The following MYBPC2 variants were observed in gnomAD, a reference collection of about 807,000 sequenced individuals.
MYBPC2 encodes the protein myosin-binding protein C, fast-type.
Under a neutral mutation model 137.0 loss-of-function variants are expected in MYBPC2, and 122 were observed. That is an observed-to-expected ratio of 0.89 (90% CI 0.77 to 1.03). The LOEUF (loss-of-function observed/expected upper bound fraction) is 1.03. Among genes scored for constraint, MYBPC2 ranks in the 50% least tolerant of loss-of-function variants. The pLI, the probability that MYBPC2 is intolerant of heterozygous loss-of-function variation, is 0.00. For synonymous variants in MYBPC2, 626 were observed against 612.3 expected (o/e 1.02, Z -0.33); for missense variants, 1,500 against 1,534.4 (o/e 0.98, Z 0.37).
intron 27 of MYBPC2, among the ~76,000 whole-genome samples, chr19:50,464,794 A>T (rs1202902518): frequency 6.6e-6 from 1 of 152,182 alleles, no homozygotes; most frequent in Non-Finnish European, 1.5e-5. Context: ...CTGAGTGAGA[A>T]GGGCTTAGGA....
Position 50,465,194 on chromosome 19 carries a change from G to A in MYBPC2, c.3415+662G>A, listed in dbSNP as rs373638843. Among the ~76,000 whole-genome samples, 5 of 151,700 alleles carry A rather than the reference G, an allele frequency of 3.3e-5. No individual in the cohort carries two copies. The highest frequency in any genetic ancestry group is 4.8e-5 in the African/African-American group (2 of 41,332). ...CTCCCCACCGCCCCAGCGCCCCTCC[G>A]CCTGGTGTTCACGGTGGTGTGTCCA... is the stretch of plus-strand genomic sequence containing the variant. On this transcript the variant is annotated intron_variant, in intron 27 of 27. Coordinates refer to ENST00000357701, the MANE Select transcript of MYBPC2 (RefSeq NM_004533.4). The surrounding 1 kb of genome is among the most constrained non-coding windows in gnomAD (Gnocchi z 4.5).
chr19:50,452,032 C>T, intron 16 of MYBPC2, 29 bp downstream of exon 16: 1 of 1,547,122 alleles, frequency 6.5e-7, no homozygotes, highest in Non-Finnish European at 8.7e-7. Flanking sequence ...TCTGTCCTCA[C>T]TCCCTTTCCG....
At chr19:50,462,107 T>A in intron 26 of MYBPC2, 71 bp downstream of exon 26, 1 of 1,485,604 alleles carries the variant, frequency 6.7e-7, no homozygotes, top group Non-Finnish European at 9.0e-7. Context: ...TGAAGCCCAC[T>A]CCCCATCACG....
intron 23 of MYBPC2, 137 bp from the exon 24 acceptor site, chr19:50,459,903 G>C: frequency 7.9e-7 from 1 of 1,265,290 alleles, no homozygotes; most frequent in Non-Finnish European, 1.1e-6. Flanking sequence ...CTGGGATGGG[G>C]GAGGCCATAG....
Position 50,448,241 on chromosome 19 carries a change from C to A in MYBPC2, c.1323C>A (p.Val441=). ...CCTGACCAGAGAAACAGCTGGAGGTCCTGCAGGACATCGCGGATCTGACGG... is the reference window on the plus strand; with the variant it reads ...CCTGACCAGAGAAACAGCTGGAGGTACTGCAGGACATCGCGGATCTGACGG... ...ELIVEEKQLE[V]LQDIADLTVK... is the part of the protein sequence containing the mutation. Residue 441 remains valine (V), a synonymous_variant, in exon 13 of 28, where the codon GTC becomes GTA. Transcript: ENST00000357701. The A allele has an allele frequency of 6.2e-7, 1 of 1,613,542 alleles. No individual in the cohort carries two copies. The highest frequency in any genetic ancestry group is 8.5e-7 in the Non-Finnish European group (1 of 1,179,614).
In MYBPC2 at chr19:50,448,219, G is replaced by T; in HGVS notation, c.1307-6G>T. 6.2e-7 allele frequency: 1 copy of T among 1,612,342 alleles called. No individual in the cohort carries two copies. Among genetic ancestry groups the T allele is most frequent in the South Asian group, 1.1e-5 (1 of 90,872 alleles). ...GACGGCTCCTTGTCTTTCTCTCCCT[G>T]ACCAGAGAAACAGCTGGAGGTCCTG... On this transcript the variant is annotated splice_region_variant and splice_polypyrimidine_tract_variant and intron_variant, in intron 12 of 27. Transcript: ENST00000357701.
At chr19:50,448,441 A>G (rs2039826981) in intron 13 of MYBPC2, 51 bp downstream of exon 13, 3 of 1,576,310 alleles carry the variant, frequency 1.9e-6, no homozygotes, top group Non-Finnish European at 2.6e-6. Flanking sequence ...CATAGCAGTT[A>G]GCTTTAGCTG....
At chr19:50,444,333 TC>T (rs2039784560) in intron 11 of MYBPC2, among the ~76,000 whole-genome samples, 1 of 145,930 alleles carries the variant, frequency 6.9e-6, no homozygotes, top group Admixed American at 6.9e-5. Flanking sequence ...CATCCATCCA[TC>T]CATCCCATTG....
chr19:50,449,412 G>A (rs1017695630), intron 13 of MYBPC2, among the ~76,000 whole-genome samples: 9 of 152,184 alleles, frequency 5.9e-5, no homozygotes, highest in African/African-American at 2.2e-4. Flanking sequence ...GCACACTCAC[G>A]TGGCAGAGGC....
intron 23 of MYBPC2, 42 bp from the exon 24 acceptor site, chr19:50,459,998 T>C (rs1250420040): frequency 1.3e-6 from 2 of 1,548,748 alleles, no homozygotes; most frequent in East Asian, 4.9e-5. Context: ...CGGCTGGACA[T>C]CCCAAAACCT....
Position 50,443,800 on chromosome 19 carries a change from G to A in MYBPC2, c.1117G>A (p.Gly373Ser). ...VEMAVEVSEE[G>S]AQVMWMKDGV... Reference sequence around the variant, plus strand: ...AATGGCAGTGGAGGTGTCAGAAGAGGGTGCCCAGGTGATGTGGTAAGTGAC... The same window carrying A: ...AATGGCAGTGGAGGTGTCAGAAGAGAGTGCCCAGGTGATGTGGTAAGTGAC... Residue 373 changes from glycine (G) to serine (S), a missense_variant, in exon 11 of 28, where the codon GGT (glycine) becomes AGT (serine). Physicochemically the swap from Gly to Ser is moderately conservative, Grantham distance 56. Transcript: ENST00000357701. 1 of 1,613,704 alleles carries A rather than the reference G, an allele frequency of 6.2e-7. No homozygotes were observed. Among genetic ancestry groups the A allele is most frequent in the Non-Finnish European group, 8.5e-7 (1 of 1,179,772 alleles).
Position 50,439,055 on chromosome 19 carries a change from G to T in MYBPC2, c.572+1337G>T, listed in dbSNP as rs1032565874. ...CTCATCAACATATTCACCCAACTGC[G>T]CAGTCATTTCTCACCAACCCATCAA... On this transcript the variant is annotated intron_variant, in intron 7 of 27. Coordinates refer to ENST00000357701, the MANE Select transcript of MYBPC2 (RefSeq NM_004533.4). Among the ~76,000 whole-genome samples, 3 of 151,696 alleles carry T rather than the reference G, an allele frequency of 2.0e-5. No homozygotes were observed. In the South Asian group the frequency reaches 6.2e-4, roughly 32 times the overall value.
chr19:50,457,457 G>A (rs540519463), intron 20 of MYBPC2, among the ~76,000 whole-genome samples: 6 of 152,152 alleles, frequency 3.9e-5, no homozygotes, highest in East Asian at 1.9e-4. Flanking sequence ...ACCTGGCTGC[G>A]CCCTCAGACA....
intron 5 of MYBPC2, 111 bp downstream of exon 5, chr19:50,436,845 G>A (rs2039708822): frequency 1.1e-6 from 1 of 934,468 alleles, no homozygotes; most frequent in African/African-American, 1.6e-5. Context: ...GGTGGGCACA[G>A]GTTTTTGGAG....
At position 50,433,584 on chromosome 19, in the gene MYBPC2, C is replaced by T. The variant is rs183534427; in HGVS notation, c.19+612C>T. On this transcript the variant is annotated intron_variant, in intron 1 of 27. Coordinates refer to ENST00000357701, the MANE Select transcript of MYBPC2 (RefSeq NM_004533.4). ...GCTATTTTTGTATTTTTAATAGAGA[C>T]GGGTTTCGCCATGTTGACCAGGCTG... is the stretch of plus-strand genomic sequence containing the variant. Among the ~76,000 whole-genome samples, 16 of 152,072 alleles carry T rather than the reference C, an allele frequency of 1.1e-4. 1 individual carries two copies. In the East Asian group the frequency reaches 2.3e-3, roughly 22 times the overall value.
chr19:50,458,510 G>T, intron 20 of MYBPC2, 77 bp from the exon 21 acceptor site: 1 of 1,543,048 alleles, frequency 6.5e-7, no homozygotes, highest in Non-Finnish European at 8.7e-7. Context: ...GCTGCGTGGG[G>T]CCCAAGTCCC....
chr19:50,433,491 G>A lies in MYBPC2; in HGVS notation c.19+519G>A, dbSNP rs1288757715. On this transcript the variant is annotated intron_variant, in intron 1 of 27. Coordinates refer to ENST00000357701, the MANE Select transcript of MYBPC2 (RefSeq NM_004533.4). ...GCGATCTCGGCTCACTACAACATCC[G>A]CCTCCTGAGTTCAAACAATTCTCCT... is the stretch of plus-strand genomic sequence containing the variant. Among the ~76,000 whole-genome samples the A allele has an allele frequency of 5.3e-5, 8 of 151,382 alleles. No homozygotes were observed. The East Asian group carries it at 7.8e-4, about 15-fold the overall frequency.
At position 50,446,992 on chromosome 19, in the gene MYBPC2, A is replaced by AC. The variant is rs201651975; in HGVS notation, c.1306+940_1306+941insC. ...ACAGAGCAAGACTCCGTCTTAAAAA[A>AC]AAAAAAAAAAAAATCTGAAACCAAC... On this transcript the variant is annotated intron_variant, in intron 12 of 27. Coordinates refer to ENST00000357701, the MANE Select transcript of MYBPC2 (RefSeq NM_004533.4). Among the ~76,000 whole-genome samples the AC allele has an allele frequency of 6.1e-3, 930 of 151,346 alleles. 10 individuals carry two copies. The highest frequency in any genetic ancestry group is 0.01 in the Non-Finnish European group (696 of 67,774).
chr19:50,446,052 G>A lies in MYBPC2; in HGVS notation c.1306G>A (p.Glu436Lys). ...GQCEAELIVE[E>K]KQLEVLQDIA... ...GTGTGAGGCCGAGCTGATTGTGGAAGGTATGGGGCCTCCAGGTAGGGCACG... is the reference window on the plus strand; with the variant it reads ...GTGTGAGGCCGAGCTGATTGTGGAAAGTATGGGGCCTCCAGGTAGGGCACG... The change falls in exon 12 of 28, where the codon GAG becomes AAG. Residue 436 changes from glutamate to lysine, a missense_variant and splice_region_variant. Transcript: ENST00000357701. The A allele has an allele frequency of 1.9e-6, 3 of 1,612,286 alleles. No homozygotes were observed. The highest frequency in any genetic ancestry group is 2.5e-6 in the Non-Finnish European group (3 of 1,179,272).
Sources: allele counts gnomAD v4.1 joint callset (sites outside exome capture counted in the v4.1 genomes callset), GRCh38; gene constraint gnomAD v4.1.1; non-coding constraint Gnocchi (gnomAD v3.1); transcripts MANE v1.5; gene names NCBI Gene and HGNC (gene_info 2026-07-23, HGNC 2026-07-21).